DPYD: variants seen among roughly 807,000 people sequenced by gnomAD.
The protein encoded by DPYD is dihydropyrimidine dehydrogenase, also known as dihydropyrimidine dehydrogenase [NADP(+)].
Under a neutral mutation model 116.2 loss-of-function variants are expected in DPYD, and 109 were observed. The ratio of observed to expected loss-of-function variants is 0.94; its 90% confidence interval spans 0.80 to 1.10. The LOEUF (loss-of-function observed/expected upper bound fraction) is 1.10, where lower values mean the gene tolerates loss of function less well. Among genes scored for constraint, DPYD ranks in the 50% least tolerant of loss-of-function variants. The pLI is 0.00. For missense variants in DPYD, 1,302 were observed against 1,254.5 expected, an observed-to-expected ratio of 1.04 and a Z score of -0.57; for synonymous variants, 440 against 432.0, an observed-to-expected ratio of 1.02 and a Z score of -0.23.
At chr1:97,875,503 G>C (rs147698866) in intron 2 of DPYD, among the ~76,000 whole-genome samples, 1,780 of 152,078 alleles carry the variant, frequency 0.012, 13 homozygotes, top group Non-Finnish European at 0.019. Context: ...AAATGCCTTT[G>C]CATAAGCAGC....
At chr1:97,316,404 C>T (rs1667845589) in intron 16 of DPYD, among the ~76,000 whole-genome samples, 1 of 151,306 alleles carries the variant, frequency 6.6e-6, no homozygotes, top group Admixed American at 6.6e-5. Flanking sequence ...ATCCCAGCTA[C>T]TCAGGAGGCT....
intron 1 of DPYD, among the ~76,000 whole-genome samples, chr1:97,904,077 G>A (rs966983075): frequency 6.6e-6 from 1 of 151,688 alleles, no homozygotes; most frequent in Non-Finnish European, 1.5e-5. Context: ...AATCAGGAAG[G>A]GCTACACATC....
At chr1:97,505,620 A>G (rs544859875) in intron 13 of DPYD, among the ~76,000 whole-genome samples, 178 of 151,904 alleles carry the variant, frequency 1.2e-3, no homozygotes, top group African/African-American at 3.8e-3. Flanking sequence ...TATTTTCTGA[A>G]CTACAGTTTA....
At chr1:97,110,133 G>C (rs1651484124) in intron 20 of DPYD, among the ~76,000 whole-genome samples, 2 of 151,980 alleles carry the variant, frequency 1.3e-5, no homozygotes, top group African/African-American at 2.4e-5. Flanking sequence ...TGGTGTTTTA[G>C]GAAAAGATAC....
At chr1:97,799,866 C>T (rs1667764974) in intron 3 of DPYD, among the ~76,000 whole-genome samples, 1 of 151,816 alleles carries the variant, frequency 6.6e-6, no homozygotes, top group South Asian at 2.1e-4. Context: ...CTTGTTGTTA[C>T]CTTAAAGTGT....
At chr1:97,423,825 T>A (rs1674717789) in intron 14 of DPYD, among the ~76,000 whole-genome samples, 1 of 152,140 alleles carries the variant, frequency 6.6e-6, no homozygotes, top group African/African-American at 2.4e-5. Context: ...TCTTTGGACA[T>A]TTTGCACTGA....
intron 16 of DPYD, among the ~76,000 whole-genome samples, chr1:97,347,106 A>G (rs1669896479): frequency 6.6e-6 from 1 of 151,594 alleles, no homozygotes. Context: ...TCTTTATTTT[A>G]AATTCATTTT....
chr1:97,721,467 T>C (rs1021666647), intron 5 of DPYD, 43 bp downstream of exon 5: 2 of 1,606,898 alleles, frequency 1.2e-6, no homozygotes, highest in Non-Finnish European at 1.7e-6. Context: ...TATTTGTGCA[T>C]GGTGATGGTA....
In DPYD at chr1:97,828,189, T is replaced by C. The variant is rs757958938; in HGVS notation, c.158A>G (p.Glu53Gly). ...RNPDKNCFNC[E>G]KLENNFDDIK... ...GTCATCAAAATTATTCTCCAGCTTC[T>C]CACAATTCTGCAACATATTTAAAAA... The change falls in exon 3 of 23, where the codon GAG (glutamate) becomes GGG (glycine). Residue 53 changes from glutamate to glycine, a missense_variant. By Grantham distance (98) the Glu-to-Gly change is moderately conservative. Coordinates refer to ENST00000370192, the MANE Select transcript of DPYD (RefSeq NM_000110.4). The C allele has an allele frequency of 6.2e-7, 1 of 1,613,206 alleles. No individual in the cohort carries two copies. Among genetic ancestry groups the C allele is most frequent in the Admixed American group, 1.7e-5 (1 of 59,988 alleles).
intron 13 of DPYD, among the ~76,000 whole-genome samples, chr1:97,475,928 C>T (rs1677936880): frequency 6.6e-6 from 1 of 152,124 alleles, no homozygotes; most frequent in African/African-American, 2.4e-5. Context: ...GATACCTATA[C>T]ATTGTTGAGT....
chr1:97,776,889 A>G (rs1278128263), intron 3 of DPYD, among the ~76,000 whole-genome samples: 1 of 152,214 alleles, frequency 6.6e-6, no homozygotes, highest in African/African-American at 2.4e-5. Flanking sequence ...TTAATTGTCA[A>G]AATTAGTTGT....
intron 12 of DPYD, among the ~76,000 whole-genome samples, chr1:97,545,183 A>T (rs893127951): frequency 6.6e-6 from 1 of 152,202 alleles, no homozygotes; most frequent in African/African-American, 2.4e-5. Flanking sequence ...AATGAAAAAA[A>T]ATTATGTGCA....
At chr1:97,800,239 CTAT>C (rs531781842) in intron 3 of DPYD, among the ~76,000 whole-genome samples, 8 of 151,628 alleles carry the variant, frequency 5.3e-5, no homozygotes, top group Non-Finnish European at 1.2e-4. Flanking sequence ...CAAATTATAG[CTAT>C]TATTATTATT....
intron 20 of DPYD, among the ~76,000 whole-genome samples, chr1:97,134,260 G>A (rs371539189): frequency 2.2e-4 from 33 of 151,682 alleles, no homozygotes; most frequent in African/African-American, 7.3e-4. Flanking sequence ...AGTTATTAAT[G>A]TATTTCCATA....
chr1:97,668,575 G>A lies in DPYD; in HGVS notation c.850+10520C>T, dbSNP rs1659690302. Among the ~76,000 whole-genome samples, 4 of 151,986 alleles carry A rather than the reference G, an allele frequency of 2.6e-5. No individual in the cohort carries two copies. The South Asian group carries it at 8.3e-4, about 32-fold the overall frequency. On this transcript the variant is annotated intron_variant, in intron 8 of 22. Coordinates refer to ENST00000370192, the MANE Select transcript of DPYD (RefSeq NM_000110.4). ...CATATAATTGCTAGCACACTGCTAG[G>A]TATATTGCAGAAGCTTAAAAATATG...
At chr1:97,337,147 T>C (rs1669333841) in intron 16 of DPYD, among the ~76,000 whole-genome samples, 1 of 152,096 alleles carries the variant, frequency 6.6e-6, no homozygotes, top group African/African-American at 2.4e-5. Context: ...AAAGCAATTT[T>C]TATCATGCAT....
intron 14 of DPYD, among the ~76,000 whole-genome samples, chr1:97,427,740 A>T (rs530355619): frequency 2.0e-5 from 3 of 152,088 alleles, no homozygotes; most frequent in African/African-American, 7.2e-5. Context: ...TCCGTCTCAA[A>T]CATTTTTTCC....
At chr1:97,776,385 T>A (rs1666408767) in intron 3 of DPYD, among the ~76,000 whole-genome samples, 1 of 152,212 alleles carries the variant, frequency 6.6e-6, no homozygotes, top group Non-Finnish European at 1.5e-5. Flanking sequence ...TCCATATCTC[T>A]GAAGTTATCA....
intron 13 of DPYD, among the ~76,000 whole-genome samples, chr1:97,503,891 T>C (rs571602591): frequency 6.6e-6 from 1 of 152,170 alleles, no homozygotes; most frequent in Middle Eastern, 3.4e-3. Flanking sequence ...AAATTCAATA[T>C]GGATATTATT....
Sources: allele counts gnomAD v4.1 joint callset (sites outside exome capture counted in the v4.1 genomes callset), GRCh38; gene constraint gnomAD v4.1.1; transcripts MANE v1.5; gene names NCBI Gene and HGNC (gene_info 2026-07-23, HGNC 2026-07-21).